The following LSAMP variants were observed in gnomAD, a reference collection of about 807,000 sequenced individuals.
The protein encoded by LSAMP is limbic system associated membrane protein, also known as limbic system-associated membrane protein.
A neutral mutation model predicts 38.6 loss-of-function variants in LSAMP; 7 were observed. The observed-to-expected ratio is 0.18, with a 90% CI of 0.10 to 0.34. The LOEUF is 0.34. Among genes scored for constraint, LSAMP ranks in the 10% least tolerant of loss-of-function variants. The pLI, the probability that LSAMP is intolerant of heterozygous loss-of-function variation, is 1.00. For missense variants in LSAMP, 313 were observed against 420.0 expected (o/e 0.75, Z 2.23); for synonymous variants, 154 against 166.8 (o/e 0.92, Z 0.59).
At chr3:116,113,414 ATATATATT>A (rs1482697860) in intron 1 of LSAMP, among the ~76,000 whole-genome samples, 14 of 67,944 alleles carry the variant, frequency 2.1e-4, no homozygotes, top group African/African-American at 7.2e-4. Context: ...ATATATATAT[ATATATATT>A]TTTTTTTTTT....
chr3:115,819,482 A>G (rs911902225), intron 6 of LSAMP, among the ~76,000 whole-genome samples: 1 of 151,838 alleles, frequency 6.6e-6, no homozygotes, highest in African/African-American at 2.4e-5. Flanking sequence ...TTGATCAGGG[A>G]AAGTCTAGCA....
intron 1 of LSAMP, among the ~76,000 whole-genome samples, chr3:116,109,111 G>T (rs1378588643): frequency 6.6e-6 from 1 of 152,186 alleles, no homozygotes; most frequent in African/African-American, 2.4e-5. Flanking sequence ...CATGAACTGG[G>T]CTGGGTTTTT....
At chr3:116,043,946 A>AAAAAT (rs1196412589) in intron 2 of LSAMP, among the ~76,000 whole-genome samples, 2 of 152,256 alleles carry the variant, frequency 1.3e-5, no homozygotes, top group Non-Finnish European at 2.9e-5. Flanking sequence ...ACTCCGTCTC[A>AAAAAT]AAAATAAAAT....
chr3:115,815,278 T>G (rs945484864), intron 6 of LSAMP, among the ~76,000 whole-genome samples: 2 of 152,190 alleles, frequency 1.3e-5, no homozygotes, highest in African/African-American at 4.8e-5. Context: ...CGTATGTATA[T>G]GAAAAAATAT....
chr3:116,148,431 C>T (rs1709536050), intron 1 of LSAMP, among the ~76,000 whole-genome samples: 1 of 151,910 alleles, frequency 6.6e-6, no homozygotes, highest in Admixed American at 6.6e-5. Context: ...CTTTGTTTTC[C>T]TGTATTTTGA....
At chr3:116,200,729 CCCACTAATGCCATGGAG>C (rs2045977365) in intron 1 of LSAMP, among the ~76,000 whole-genome samples, 1 of 152,166 alleles carries the variant, frequency 6.6e-6, no homozygotes, top group Non-Finnish European at 1.5e-5. Flanking sequence ...AAATTTACCA[CCCACTAATGCCATGGAG>C]TGACCCTTTG....
intron 1 of LSAMP, among the ~76,000 whole-genome samples, chr3:116,198,498 G>A (rs776885004): frequency 3.9e-5 from 6 of 152,116 alleles, no homozygotes; most frequent in Non-Finnish European, 7.3e-5. Context: ...AGCTGGGCAC[G>A]GTGGCTCACG....
intron 1 of LSAMP, among the ~76,000 whole-genome samples, chr3:116,279,295 G>T (rs932879390): frequency 3.3e-5 from 5 of 152,130 alleles, no homozygotes; most frequent in Admixed American, 6.5e-5. Flanking sequence ...AATCACACAA[G>T]AGCACTGCCT....
At chr3:116,228,143 C>A (rs888480792) in intron 1 of LSAMP, among the ~76,000 whole-genome samples, 6 of 151,896 alleles carry the variant, frequency 4.0e-5, no homozygotes, top group African/African-American at 1.4e-4. Context: ...TTATGTGGTC[C>A]ACAATTTTTC....
intron 2 of LSAMP, among the ~76,000 whole-genome samples, chr3:116,030,262 T>G (rs114240751): frequency 1.4e-4 from 22 of 152,276 alleles, no homozygotes; most frequent in African/African-American, 4.8e-4. Flanking sequence ...GCAAGTGCAT[T>G]CAGCTAAGCG....
At chr3:115,819,362 A>T (rs1444779284) in intron 6 of LSAMP, among the ~76,000 whole-genome samples, 4 of 151,512 alleles carry the variant, frequency 2.6e-5, no homozygotes, top group Non-Finnish European at 5.9e-5. Context: ...TTGAACCTGG[A>T]GGGTGGAGAT....
At chr3:115,890,098 T>G (rs138334712) in intron 3 of LSAMP, among the ~76,000 whole-genome samples, 1 of 151,932 alleles carries the variant, frequency 6.6e-6, no homozygotes, top group Non-Finnish European at 1.5e-5. Context: ...TTAATGAGAT[T>G]TGAGTTCAGT....
At chr3:115,999,427 T>C (rs1246936356) in intron 3 of LSAMP, among the ~76,000 whole-genome samples, 1 of 152,174 alleles carries the variant, frequency 6.6e-6, no homozygotes, top group Non-Finnish European at 1.5e-5. Context: ...ATAGCTACTG[T>C]CCTTTCTGGC....
In LSAMP at chr3:116,383,746, T is replaced by A. The variant is rs11923717; in HGVS notation, c.155+61131A>T. 1.0e-2 allele frequency among the ~76,000 whole-genome samples: 1,516 copies of A among 151,996 alleles called. 25 individuals are homozygous for A. Among genetic ancestry groups the A allele is most frequent in the African/African-American group, 0.035 (1,436 of 41,322 alleles). On this transcript the variant is annotated intron_variant, in intron 1 of 6. Coordinates refer to ENST00000490035, the MANE Select transcript of LSAMP (RefSeq NM_002338.5). ...GAGAAATAGAAAAGTAGATATAAAGTATGTGACACACTGGCAATGTATGTT... is the reference window on the plus strand; with the variant it reads ...GAGAAATAGAAAAGTAGATATAAAGAATGTGACACACTGGCAATGTATGTT...
chr3:115,939,556 C>A (rs1309299699), intron 3 of LSAMP, among the ~76,000 whole-genome samples: 1 of 96,562 alleles, frequency 1.0e-5, no homozygotes, highest in Non-Finnish European at 2.3e-5. Flanking sequence ...TTCTTTCTTT[C>A]TTTCTTTCTT....
At chr3:115,858,135 ATCTCTCTCTCTCTC>A (rs67994060) in intron 3 of LSAMP, among the ~76,000 whole-genome samples, 1 of 144,134 alleles carries the variant, frequency 6.9e-6, no homozygotes, top group Non-Finnish European at 1.5e-5. Context: ...CCGTCCTCCC[ATCTCTCTCTCTCTC>A]TCTCTCTCTC....
chr3:116,168,217 T>C (rs1255793548), intron 1 of LSAMP, among the ~76,000 whole-genome samples: 4 of 151,716 alleles, frequency 2.6e-5, no homozygotes, highest in Non-Finnish European at 5.9e-5. Context: ...TGAAAGCTTT[T>C]ATTATTATTA....
chr3:116,377,223 C>G (rs2048505019), intron 1 of LSAMP, among the ~76,000 whole-genome samples: 1 of 151,976 alleles, frequency 6.6e-6, no homozygotes, highest in Non-Finnish European at 1.5e-5. Flanking sequence ...TAATGCTCTC[C>G]CTTCCCCAAC....
intron 1 of LSAMP, among the ~76,000 whole-genome samples, chr3:116,246,649 C>T (rs2046609044): frequency 6.6e-6 from 1 of 152,152 alleles, no homozygotes; most frequent in Non-Finnish European, 1.5e-5. Flanking sequence ...AACCCAACTG[C>T]ACATCATTCT....
Sources: allele counts gnomAD v4.1 joint callset (sites outside exome capture counted in the v4.1 genomes callset), GRCh38; gene constraint gnomAD v4.1.1; transcripts MANE v1.5; gene names NCBI Gene and HGNC (gene_info 2026-07-23, HGNC 2026-07-21).